KANSL1L: variants seen among roughly 807,000 people sequenced by gnomAD.
KANSL1L encodes KAT8 regulatory NSL complex subunit 1 like, also known as KAT8 regulatory NSL complex subunit 1-like protein.
KANSL1L carries 25 observed loss-of-function variants against 108.6 expected under a neutral mutation model. The observed-to-expected ratio is 0.23, with a 90% CI of 0.17 to 0.32. The LOEUF is 0.32. Among genes scored for constraint, KANSL1L ranks in the 10% least tolerant of loss-of-function variants. KANSL1L has a pLI of 1.00. For synonymous variants in KANSL1L, 405 were observed against 395.1 expected (o/e 1.03, Z -0.30); for missense variants, 1,137 against 1,125.7 (o/e 1.01, Z -0.14).
chr2:210,075,126 T>G (rs532861988), intron 6 of KANSL1L, among the ~76,000 whole-genome samples: 2 of 152,294 alleles, frequency 1.3e-5, no homozygotes, highest in African/African-American at 4.8e-5. Context: ...ATATCAAACC[T>G]AAAAAGGAAA....
chr2:210,043,267 T>C (rs893838878), intron 7 of KANSL1L, among the ~76,000 whole-genome samples: 23 of 152,038 alleles, frequency 1.5e-4, no homozygotes, highest in Non-Finnish European at 2.1e-4. Flanking sequence ...TGCACCCAAG[T>C]AGTTCCAGCT....
intron 6 of KANSL1L, among the ~76,000 whole-genome samples, chr2:210,052,106 C>A (rs2094299645): frequency 6.6e-6 from 1 of 151,202 alleles, no homozygotes; most frequent in South Asian, 2.1e-4. Flanking sequence ...CTGGCTCAAG[C>A]AATCCTCCCA....
At chr2:210,031,918 C>G (rs1275016611) in intron 8 of KANSL1L, among the ~76,000 whole-genome samples, 2 of 152,172 alleles carry the variant, frequency 1.3e-5, no homozygotes, top group African/African-American at 2.4e-5. Flanking sequence ...CATGGTCAGA[C>G]TAGACTGTGC....
intron 3 of KANSL1L, among the ~76,000 whole-genome samples, chr2:210,119,280 C>T (rs934989106): frequency 6.6e-6 from 1 of 152,084 alleles, no homozygotes; most frequent in Admixed American, 6.6e-5. Flanking sequence ...TAGTATCAAT[C>T]CTACTCTAAC....
chr2:210,150,492 C>T (rs1232201721), intron 2 of KANSL1L, among the ~76,000 whole-genome samples: 1 of 152,016 alleles, frequency 6.6e-6, no homozygotes, highest in Non-Finnish European at 1.5e-5. Context: ...AAGAAATTAT[C>T]AGAAAGTTGG....
chr2:210,051,353 C>T (rs1021425820), intron 6 of KANSL1L, among the ~76,000 whole-genome samples: 1 of 152,058 alleles, frequency 6.6e-6, no homozygotes, highest in African/African-American at 2.4e-5. Flanking sequence ...GGATGTCTCC[C>T]ACTTTTAAGT....
chr2:210,098,290 T>C, intron 4 of KANSL1L, 83 bp from the exon 5 acceptor site: 4 of 1,239,178 alleles, frequency 3.2e-6, no homozygotes, highest in Non-Finnish European at 4.6e-6. Flanking sequence ...AATTAATCCT[T>C]AACTTCTCAT....
At chr2:210,156,576 T>C (rs2125654480) in intron 1 of KANSL1L, among the ~76,000 whole-genome samples, 1 of 152,218 alleles carries the variant, frequency 6.6e-6, no homozygotes, top group East Asian at 1.9e-4. Flanking sequence ...ATATATAGTA[T>C]AGTACCATAT....
At chr2:210,145,499 A>G (rs1027287693) in intron 2 of KANSL1L, among the ~76,000 whole-genome samples, 1 of 152,218 alleles carries the variant, frequency 6.6e-6, no homozygotes, top group Admixed American at 6.5e-5. Context: ...ACACACAGCT[A>G]CAATGTTTCT....
Position 210,151,719 on chromosome 2 carries a change from G to A in KANSL1L, c.1088+1776C>T, listed in dbSNP as rs1253947768. On this transcript the variant is annotated intron_variant, in intron 2 of 14. Transcript: ENST00000281772. ...GCTAGGGTTGTTGAAAGAATTAAAT[G>A]AGATATCATATGTTAAATAACTAGC... is the stretch of plus-strand genomic sequence containing the variant. 7 of 152,270 alleles carry A rather than the reference G, an allele frequency of 4.6e-5. No homozygotes were observed. In the East Asian group the frequency reaches 1.4e-3, roughly 29 times the overall value. The allele number at this position is 152,270 out of a possible 1,614,324, so 9.4% of individuals were successfully genotyped here.
At chr2:210,142,458 AATCTT>A (rs2095237282) in intron 2 of KANSL1L, among the ~76,000 whole-genome samples, 1 of 151,724 alleles carries the variant, frequency 6.6e-6, no homozygotes, top group African/African-American at 2.4e-5. Flanking sequence ...TGGTTTCATC[AATCTT>A]TTCTATTGTT....
chr2:210,106,266 A>G (rs557141248), intron 3 of KANSL1L, among the ~76,000 whole-genome samples: 1 of 152,230 alleles, frequency 6.6e-6, no homozygotes, highest in South Asian at 2.1e-4. Context: ...GTTTGATTCC[A>G]GTTTATAGTA....
At chr2:210,153,284 G>A (rs2095314768) in intron 2 of KANSL1L, 1 of 419,910 alleles carries the variant, frequency 2.4e-6, no homozygotes, top group Admixed American at 4.1e-5. Flanking sequence ...AACCCGGGAG[G>A]CGGAGGTTGC....
chr2:210,159,879 C>CA (rs1431255685), intron 1 of KANSL1L, among the ~76,000 whole-genome samples: 4 of 151,814 alleles, frequency 2.6e-5, no homozygotes, highest in South Asian at 2.1e-4. Context: ...ACTAAAAATA[C>CA]AAAAAAAATA....
At chr2:210,163,627 TAA>T (rs2095372513) in intron 1 of KANSL1L, among the ~76,000 whole-genome samples, 1 of 152,090 alleles carries the variant, frequency 6.6e-6, no homozygotes, top group South Asian at 2.1e-4. Flanking sequence ...TTCTCCAAAT[TAA>T]TGTCAGACAC....
chr2:210,073,325 GAGTCT>G (rs1349321544), intron 6 of KANSL1L, among the ~76,000 whole-genome samples: 2 of 152,100 alleles, frequency 1.3e-5, no homozygotes, highest in African/African-American at 4.8e-5. Context: ...GGATAAGTCT[GAGTCT>G]ACATCTGTGC....
chr2:210,027,382 TTTTA>T (rs1244707374), intron 11 of KANSL1L, 32 bp from the exon 12 acceptor site: 3 of 1,524,040 alleles, frequency 2.0e-6, no homozygotes, highest in South Asian at 1.1e-5. Flanking sequence ...TTTAAACAGC[TTTTA>T]TTTATTTAAA....
chr2:210,037,858 G>C (rs2125168337), intron 8 of KANSL1L, among the ~76,000 whole-genome samples: 1 of 152,202 alleles, frequency 6.6e-6, no homozygotes, highest in East Asian at 1.9e-4. Flanking sequence ...GCTAGTCCAT[G>C]TTCAAATTTC....
chr2:210,036,319 C>CCA (rs1397039749), intron 8 of KANSL1L, among the ~76,000 whole-genome samples: 1 of 151,956 alleles, frequency 6.6e-6, no homozygotes, highest in African/African-American at 2.4e-5. Flanking sequence ...GTCCCTGGGA[C>CCA]TACAGGCATG....
Sources: gnomAD v4.1 joint callset for allele counts (sites outside exome capture counted in the v4.1 genomes callset) on GRCh38, gnomAD v4.1.1 for gene constraint, MANE v1.5 for transcripts, NCBI Gene and HGNC (gene_info 2026-07-23, HGNC 2026-07-21) for gene names.